PSMD1: variants seen among roughly 807,000 people sequenced by gnomAD.
PSMD1 encodes proteasome 26S subunit, non-ATPase 1, also known as 26S proteasome non-ATPase regulatory subunit 1.
A neutral mutation model predicts 119.0 loss-of-function variants in PSMD1; 18 were observed. The ratio of observed to expected loss-of-function variants is 0.15; its 90% CI spans 0.10 to 0.22. The LOEUF is 0.22. Among genes scored for constraint, PSMD1 ranks in the 10% least tolerant of loss-of-function variants. The pLI is 1.00. For missense variants in PSMD1, 702 were observed against 1,158.5 expected (o/e 0.61, Z 5.72); for synonymous variants, 374 against 396.6 (o/e 0.94, Z 0.68).
chr2:231,066,828 A>G lies in PSMD1; in HGVS notation c.305-78A>G. On this transcript the variant is annotated intron_variant, in intron 4 of 24. Transcript: ENST00000308696. ...TATAGTCATCCCATAAGTATATATG[A>G]TTATAAATATAGGCATTGCCCTTTC... 8.5e-6 allele frequency: 10 copies of G among 1,171,354 alleles called. No homozygotes were observed. In the South Asian group the frequency reaches 1.6e-4, roughly 19 times the overall value. The allele number at this position is 1,171,354 out of a possible 1,614,324, so 72.6% of individuals were successfully genotyped here. A position where few individuals can be genotyped will look rare whatever the true frequency, so the allele number is the denominator to read the frequency against.
At position 231,078,719 on chromosome 2, in the gene PSMD1, T is replaced by C; in HGVS notation, c.1132T>C (p.Cys378Arg). The C allele has an allele frequency of 6.2e-7, 1 of 1,609,278 alleles. No homozygotes were observed. The highest frequency in any genetic ancestry group is 8.5e-7 in the Non-Finnish European group (1 of 1,178,208). The change falls in exon 10 of 25, where the codon TGT (cysteine) becomes CGT (arginine). Residue 378 changes from cysteine (C) to arginine (R), a missense_variant. By Grantham distance (180) the Cys-to-Arg change is radical. Around this residue, in one of 9 missense-constraint regions of PSMD1, gnomAD observed 272 missense variants for 511.6 expected, o/e 0.53. Transcript: ENST00000308696. ...ATVIANSFMH[C>R]GTTSDQFLRD... The stretch of plus-strand genomic sequence containing the variant: ...CGTTATAGCAAACTCTTTTATGCAC[T>C]GTGGGACAACCAGTGACCAGTTTCT...
Position 231,163,731 on chromosome 2 carries a change from G to T in PSMD1, c.2481+4G>T. On this transcript the variant is annotated splice_donor_region_variant and intron_variant, in intron 21 of 24. Coordinates refer to ENST00000308696, the MANE Select transcript of PSMD1 (RefSeq NM_002807.4). ...AAAAGAAAAAGAAAAGGAAAAGGTA[G>T]GTTCTTTGTTCCTTTTAGCAGCATT... 1 of 1,589,168 alleles carries T rather than the reference G, an allele frequency of 6.3e-7. No homozygotes were observed.
intron 19 of PSMD1, among the ~76,000 whole-genome samples, chr2:231,155,658 G>T (rs896614090): frequency 1.3e-5 from 2 of 150,906 alleles, no homozygotes; most frequent in Non-Finnish European, 3.0e-5. Flanking sequence ...TATAACTTTG[G>T]TGTTCTTTTC....
At chr2:231,160,423 G>T (rs1696610607) in intron 19 of PSMD1, among the ~76,000 whole-genome samples, 1 of 152,168 alleles carries the variant, frequency 6.6e-6, no homozygotes, top group Non-Finnish European at 1.5e-5. Flanking sequence ...TTCATAATTT[G>T]TAAGGGATAT....
chr2:231,061,637 C>T (rs1444681579), intron 2 of PSMD1, among the ~76,000 whole-genome samples: 1 of 151,886 alleles, frequency 6.6e-6, no homozygotes, highest in Non-Finnish European at 1.5e-5. Context: ...GGTCATGGTT[C>T]ACTGCAGCCT....
chr2:231,076,972 G>C, intron 8 of PSMD1, 62 bp from the exon 9 acceptor site: 1 of 1,440,070 alleles, frequency 6.9e-7, no homozygotes, highest in Non-Finnish European at 9.4e-7. Context: ...AATAAAATTG[G>C]GTTACTGGAT....
At chr2:231,067,585 C>T (rs576653883) in intron 5 of PSMD1, among the ~76,000 whole-genome samples, 1 of 152,286 alleles carries the variant, frequency 6.6e-6, no homozygotes, top group East Asian at 1.9e-4. Context: ...GTACACTAGC[C>T]ATTTTGGTAT....
chr2:231,123,825 G>C, intron 16 of PSMD1: 1 of 1,267,020 alleles, frequency 7.9e-7, no homozygotes, highest in Non-Finnish European at 1.2e-6. Flanking sequence ...TAGTAGCTAA[G>C]CTGCTCATCT....
At chr2:231,124,494 C>CT (rs1234105913) in intron 16 of PSMD1, among the ~76,000 whole-genome samples, 1 of 151,654 alleles carries the variant, frequency 6.6e-6, no homozygotes, top group Non-Finnish European at 1.5e-5. Flanking sequence ...GTTTTACCAG[C>CT]TAGGGATCCT....
chr2:231,095,911 G>T (rs2125187834), intron 16 of PSMD1, among the ~76,000 whole-genome samples: 1 of 152,296 alleles, frequency 6.6e-6, no homozygotes, highest in African/African-American at 2.4e-5. Context: ...TATATGGCCA[G>T]CTTTTAATTG....
At chr2:231,132,434 C>A (rs1370828639) in intron 16 of PSMD1, among the ~76,000 whole-genome samples, 4 of 152,142 alleles carry the variant, frequency 2.6e-5, no homozygotes, top group Non-Finnish European at 4.4e-5. Flanking sequence ...GAGGTCTGAA[C>A]CCTAAATATA....
chr2:231,103,764 G>T (rs764978386), intron 16 of PSMD1, among the ~76,000 whole-genome samples: 1 of 152,136 alleles, frequency 6.6e-6, no homozygotes, highest in African/African-American at 2.4e-5. Context: ...TTTTGTGTTT[G>T]ATCAGTCTTT....
intron 16 of PSMD1, among the ~76,000 whole-genome samples, chr2:231,102,107 C>T (rs186820401): frequency 1.1e-3 from 164 of 152,250 alleles, no homozygotes; most frequent in African/African-American, 3.6e-3. Flanking sequence ...GCATGAGCCA[C>T]CCATTGGGTC....
intron 5 of PSMD1, among the ~76,000 whole-genome samples, chr2:231,067,747 C>T (rs1334647119): frequency 1.3e-5 from 2 of 152,098 alleles, no homozygotes; most frequent in Non-Finnish European, 2.9e-5. Context: ...ACCTCTGCCT[C>T]CGGGGTTCAA....
intron 20 of PSMD1, among the ~76,000 whole-genome samples, chr2:231,162,342 T>G (rs1237389577): frequency 6.6e-6 from 1 of 152,244 alleles, no homozygotes; most frequent in Non-Finnish European, 1.5e-5. Flanking sequence ...TAAAACTGAC[T>G]GGTAAAAATA....
At chr2:231,171,880 A>T (rs1170918824) in intron 24 of PSMD1, among the ~76,000 whole-genome samples, 2 of 152,144 alleles carry the variant, frequency 1.3e-5, no homozygotes, top group African/African-American at 4.8e-5. Context: ...TTTAAAAAAA[A>T]TAAGGACAGT....
At chr2:231,082,052 C>A (rs1694321128) in intron 12 of PSMD1, among the ~76,000 whole-genome samples, 1 of 152,158 alleles carries the variant, frequency 6.6e-6, no homozygotes, top group South Asian at 2.1e-4. Flanking sequence ...TCACAACTCA[C>A]TATTTTTAAT....
At chr2:231,123,504 A>T (rs757363017) in intron 16 of PSMD1, 1 of 1,614,088 alleles carries the variant, frequency 6.2e-7, no homozygotes, top group South Asian at 1.1e-5. Context: ...AATTAGTAGC[A>T]TACTGCAGCT....
intron 16 of PSMD1, among the ~76,000 whole-genome samples, chr2:231,098,729 C>T (rs1694790702): frequency 6.6e-6 from 1 of 152,148 alleles, no homozygotes; most frequent in African/African-American, 2.4e-5. Flanking sequence ...TTAACTCGAC[C>T]CAAGTATACA....
Sources: gnomAD v4.1 joint callset for allele counts (sites outside exome capture counted in the v4.1 genomes callset) on GRCh38, gnomAD v4.1.1 for gene constraint, gnomAD v4.1.1 regional missense constraint, MANE v1.5 for transcripts, NCBI Gene and HGNC (gene_info 2026-07-23, HGNC 2026-07-21) for gene names.